Variants in ETFBKMT observed in about 807,000 individuals in gnomAD.
ETFBKMT encodes the protein electron transfer flavoprotein subunit beta lysine methyltransferase.
Under a neutral mutation model 18.3 loss-of-function variants are expected in ETFBKMT, and 13 were observed. The observed-to-expected ratio is 0.71, with a 90% CI of 0.46 to 1.13. ETFBKMT has a LOEUF of 1.13. Among genes scored for constraint, ETFBKMT ranks in the 50% most tolerant of loss-of-function variants. ETFBKMT has a pLI of 0.00. For synonymous variants in ETFBKMT, 84 were observed against 107.9 expected (o/e 0.78, Z 1.37); for missense variants, 293 against 306.2 (o/e 0.96, Z 0.32).
chr12:31,661,122 A>G (rs1172772049), intron 1 of ETFBKMT: 2 of 152,240 alleles, frequency 1.3e-5, no homozygotes, highest in African/African-American at 4.8e-5. Flanking sequence ...GATTTAAAGT[A>G]AAGTATACCA....
In ETFBKMT at chr12:31,671,273, C is replaced by T. The variant is rs1375247450; in HGVS notation, c.*3283C>T. On this transcript the variant is annotated 3_prime_UTR_variant, in exon 4 of 4. Transcript: ENST00000357721. ...TGCAGTGGCAACATATATATCCACACTATAAACATACCACATTTATAAATC... is the reference window on the plus strand; with the variant it reads ...TGCAGTGGCAACATATATATCCACATTATAAACATACCACATTTATAAATC... 1 of 152,282 alleles carries T rather than the reference C, an allele frequency of 6.6e-6. No homozygotes were observed. The highest frequency in any genetic ancestry group is 1.9e-4 in the East Asian group (1 of 5,184). The allele number at this position is 152,282 out of a possible 1,614,324, so 9.4% of individuals were successfully genotyped here. A position where few individuals can be genotyped will look rare whatever the true frequency, so the allele number is the denominator to read the frequency against.
chr12:31,668,100 G>A lies in ETFBKMT; in HGVS notation c.*110G>A. On this transcript the variant is annotated 3_prime_UTR_variant, in exon 4 of 4. Coordinates refer to ENST00000357721, the MANE Select transcript of ETFBKMT (RefSeq NM_001135863.2). Reference sequence around the variant, plus strand: ...TAATGAATGTAATTCTTGTTAAATGGAAAATCTTGTTTTTAAAATATGAAG... The same window carrying A: ...TAATGAATGTAATTCTTGTTAAATGAAAAATCTTGTTTTTAAAATATGAAG... 1.1e-6 allele frequency: 1 copy of A among 884,348 alleles called. No individual in the cohort carries two copies. The highest frequency in any genetic ancestry group is 3.2e-5 in the Admixed American group (1 of 30,990). The allele number at this position is 884,348 out of a possible 1,614,324, so 54.8% of individuals were successfully genotyped here. A position where few individuals can be genotyped will look rare whatever the true frequency, so the allele number is the denominator to read the frequency against.
chr12:31,665,924 C>T (rs747011468), intron 2 of ETFBKMT, among the ~76,000 whole-genome samples, 163 bp from the exon 3 acceptor site: 4 of 152,238 alleles, frequency 2.6e-5, no homozygotes, highest in Non-Finnish European at 4.4e-5. Flanking sequence ...AACCCACAGC[C>T]TTCCAGCGTG....
rs1279339475 is a variant in ETFBKMT, at chr12:31,668,053, C to T, written c.*63C>T. 5 of 1,295,468 alleles carry T rather than the reference C, an allele frequency of 3.9e-6. No homozygotes were observed. The highest frequency in any genetic ancestry group is 5.4e-6 in the Non-Finnish European group (5 of 928,498). 80.2% of individuals were successfully genotyped at this position (1,295,468 alleles called of 1,614,324 possible). ...TTGGATCTGACTCTAAAAGTTTTCT[C>T]TATAGGAGATACTCTCCAGTTTAAT... On this transcript the variant is annotated 3_prime_UTR_variant, in exon 4 of 4. Transcript: ENST00000357721.
intron 1 of ETFBKMT, among the ~76,000 whole-genome samples, chr12:31,650,003 T>TCA (rs371340647): frequency 2.5e-4 from 1 of 4,040 alleles, no homozygotes; most frequent in Non-Finnish European, 5.5e-4. Context: ...GTGATCCACC[T>TCA]GCCTCCCAAA....
At chr12:31,666,760 C>T (rs993883076) in intron 3 of ETFBKMT, among the ~76,000 whole-genome samples, 2 of 151,928 alleles carry the variant, frequency 1.3e-5, no homozygotes, top group Non-Finnish European at 2.9e-5. Flanking sequence ...ACACCATTCT[C>T]CTGCCTCAGC....
upstream of ETFBKMT, among the ~76,000 whole-genome samples, chr12:31,658,946 A>T (rs200416905): frequency 0.12 from 17,047 of 139,920 alleles, 1,359 homozygotes; most frequent in East Asian, 0.26. Context: ...TTTTTTTTTT[A>T]AATATACGGT....
In ETFBKMT at chr12:31,669,299, G is replaced by A. The variant is rs1233979630; in HGVS notation, c.*1309G>A. On this transcript the variant is annotated 3_prime_UTR_variant, in exon 4 of 4. Transcript: ENST00000357721. ...GCCTAACTGATGTGATAAGGTATGG[G>A]AGAAGGTATGTTCTATAGTCCTGTG... The A allele has an allele frequency of 6.6e-6, 1 of 152,170 alleles. No individual in the cohort carries two copies. Among genetic ancestry groups the A allele is most frequent in the Non-Finnish European group, 1.5e-5 (1 of 68,032 alleles). The allele number at this position is 152,170 out of a possible 1,614,324, so 9.4% of individuals were successfully genotyped here. A position where few individuals can be genotyped will look rare whatever the true frequency, so the allele number is the denominator to read the frequency against.
chr12:31,657,890 A>G (rs12307278), upstream of ETFBKMT, among the ~76,000 whole-genome samples: 49 of 152,290 alleles, frequency 3.2e-4, 1 homozygote, highest in African/African-American at 1.1e-3. Flanking sequence ...TGCCAAACTA[A>G]GGCAATGGCA....
At chr12:31,649,238 C>G (rs1478602631) in intron 1 of ETFBKMT, among the ~76,000 whole-genome samples, 1 of 152,198 alleles carries the variant, frequency 6.6e-6, no homozygotes, top group Non-Finnish European at 1.5e-5. Context: ...AGTACAGATA[C>G]AAATTTTTTT....
At position 31,667,863 on chromosome 12, in the gene ETFBKMT, G is replaced by A. The variant is rs372518966; in HGVS notation, c.662G>A (p.Arg221Gln). ...RTRVLIGDPG[R>Q]PQFSGHSIQH... ...CGAGTACTGATTGGTGACCCTGGGC[G>A]GCCCCAGTTCAGTGGACACAGCATT... The change falls in exon 4 of 4, where the codon CGG becomes CAG. Residue 221 changes from arginine (R) to glutamine (Q), a missense_variant. Transcript: ENST00000357721. 1.5e-5 allele frequency: 24 copies of A among 1,614,026 alleles called. No individual in the cohort carries two copies. The highest frequency in any genetic ancestry group is 6.7e-5 in the Admixed American group (4 of 59,998).
rs1467461344 is a variant in ETFBKMT, at chr12:31,672,447, T to C, written c.*4457T>C. On this transcript the variant is annotated 3_prime_UTR_variant, in exon 4 of 4. Coordinates refer to ENST00000357721, the MANE Select transcript of ETFBKMT (RefSeq NM_001135863.2). ...TGTTTAATGTTTCCTCATGTCTAACTGGAGGTGATGTTAATTATTATACAG... is the reference window on the plus strand; with the variant it reads ...TGTTTAATGTTTCCTCATGTCTAACCGGAGGTGATGTTAATTATTATACAG... 20 of 1,052,906 alleles carry C rather than the reference T, an allele frequency of 1.9e-5. No homozygotes were observed. The highest frequency in any genetic ancestry group is 5.2e-5 in the East Asian group (2 of 38,394). The allele number at this position is 1,052,906 out of a possible 1,614,324, so 65.2% of individuals were successfully genotyped here.
upstream of ETFBKMT, among the ~76,000 whole-genome samples, chr12:31,657,133 C>T (rs1951068829): frequency 6.6e-6 from 1 of 152,024 alleles, no homozygotes; most frequent in African/African-American, 2.4e-5. Context: ...ACCAAAAAAC[C>T]CTTAAAGACA....
At chr12:31,663,552 A>G (rs1328756160) in intron 2 of ETFBKMT, among the ~76,000 whole-genome samples, 1 of 152,180 alleles carries the variant, frequency 6.6e-6, no homozygotes, top group Non-Finnish European at 1.5e-5. Flanking sequence ...CAGGGCATGT[A>G]TGCCTCTACT....
upstream of ETFBKMT, chr12:31,659,267 A>T (rs1951089960): frequency 6.6e-6 from 1 of 151,562 alleles, no homozygotes; most frequent in Non-Finnish European, 1.5e-5. Context: ...TGGTAGCGGG[A>T]CCCCGGAAAT....
Position 31,672,315 on chromosome 12 carries a change from T to C in ETFBKMT, c.*4325T>C. ...TCTTCAAAAAAGCATCAATAAACAG[T>C]CCATGTCACTTGCTTTAGTTTGTTT... On this transcript the variant is annotated 3_prime_UTR_variant, in exon 4 of 4. Transcript: ENST00000357721. 6.3e-7 allele frequency: 1 copy of C among 1,575,074 alleles called. No individual in the cohort carries two copies. Among genetic ancestry groups the C allele is most frequent in the Admixed American group, 1.8e-5 (1 of 55,166 alleles).
chr12:31,664,625 T>C (rs1381564196), intron 2 of ETFBKMT, among the ~76,000 whole-genome samples: 2 of 150,978 alleles, frequency 1.3e-5, no homozygotes, highest in African/African-American at 4.9e-5. Context: ...TCTTTTTTTT[T>C]TTTTTTTTGA....
At chr12:31,650,691 G>A (rs1951009899) in intron 1 of ETFBKMT, among the ~76,000 whole-genome samples, 1 of 148,922 alleles carries the variant, frequency 6.7e-6, no homozygotes, top group South Asian at 2.2e-4. Context: ...AGGAAGCAAG[G>A]AGGGATAAGG....
chr12:31,648,987 T>TG (rs1950992869), intron 1 of ETFBKMT, among the ~76,000 whole-genome samples: 1 of 35,234 alleles, frequency 2.8e-5, no homozygotes, highest in East Asian at 2.5e-3. Context: ...AATAGTTGTA[T>TG]TTTTTTTGGA....
Sources: gnomAD v4.1 joint callset for allele counts (sites outside exome capture counted in the v4.1 genomes callset) on GRCh38, gnomAD v4.1.1 for gene constraint, MANE v1.5 for transcripts, NCBI Gene and HGNC (gene_info 2026-07-23, HGNC 2026-07-21) for gene names.